PPP1R2: variants seen among roughly 807,000 people sequenced by gnomAD.
The protein encoded by PPP1R2 is protein phosphatase inhibitor 2.
PPP1R2 carries 16 observed loss-of-function variants against 29.9 expected under a neutral mutation model. The observed-to-expected ratio is 0.53, with a 90% confidence interval of 0.36 to 0.81. The LOEUF (loss-of-function observed/expected upper bound fraction) is 0.81. Among genes scored for constraint, PPP1R2 ranks in the 30% least tolerant of loss-of-function variants. The pLI is 0.00. For synonymous variants in PPP1R2, 76 were observed against 91.5 expected, an observed-to-expected ratio of 0.83 and a Z score of 0.96; for missense variants, 197 against 252.7, an observed-to-expected ratio of 0.78 and a Z score of 1.49.
intron 3 of PPP1R2, among the ~76,000 whole-genome samples, chr3:195,524,049 C>G (rs1239893732): frequency 6.6e-6 from 1 of 150,944 alleles, no homozygotes; most frequent in African/African-American, 2.4e-5. Flanking sequence ...GATTGCGCCT[C>G]TGCACTCCAG....
intron 4 of PPP1R2, among the ~76,000 whole-genome samples, chr3:195,521,269 C>G (rs1051262258): frequency 7.4e-6 from 1 of 135,226 alleles, no homozygotes; most frequent in East Asian, 2.5e-4. Context: ...GAGCGAAGAT[C>G]GCGCCACTGC....
rs187825599 is a variant in PPP1R2 at position 195,528,230 on chromosome 3, G to A, written c.230+1564C>T. ...CCGCTTATAAGTGAGAACATACAAG[G>A]TCTGGTTTTCCATTCCTGGGTTACT... On this transcript the variant is annotated intron_variant, in intron 2 of 5. Transcript: ENST00000618156. Among the ~76,000 whole-genome samples the A allele has an allele frequency of 1.0e-3, 156 of 152,172 alleles. 1 individual carries two copies. Among genetic ancestry groups the A allele is most frequent in the African/African-American group, 3.6e-3 (150 of 41,518 alleles).
chr3:195,525,659 G>C lies in PPP1R2; in HGVS notation c.231-763C>G, dbSNP rs547433928. Among the ~76,000 whole-genome samples the C allele has an allele frequency of 6.8e-4, 104 of 152,240 alleles. 1 individual carries two copies. The highest frequency in any genetic ancestry group is 1.2e-3 in the Non-Finnish European group (82 of 67,998). On this transcript the variant is annotated intron_variant, in intron 2 of 5. Transcript: ENST00000618156. Reference sequence around the variant, plus strand: ...ATTCGATCCCAAAGATCTAATTTCGGAAGTTTACAAGTGATTTAGCTTTCT... The same window carrying C: ...ATTCGATCCCAAAGATCTAATTTCGCAAGTTTACAAGTGATTTAGCTTTCT...
chr3:195,540,024 A>G (rs1719534803), intron 1 of PPP1R2, among the ~76,000 whole-genome samples: 1 of 152,240 alleles, frequency 6.6e-6, no homozygotes, highest in South Asian at 2.1e-4. Context: ...GTAGGAGTCA[A>G]ACTATCATCG....
intron 4 of PPP1R2, among the ~76,000 whole-genome samples, chr3:195,520,434 A>T (rs1471178831): frequency 2.6e-5 from 4 of 152,068 alleles, no homozygotes; most frequent in African/African-American, 9.7e-5. Context: ...CATGGCAAGA[A>T]CCTATCTCTA....
In PPP1R2 at chr3:195,516,792, T is replaced by G. The variant is rs1389255675; in HGVS notation, c.*104A>C. On this transcript the variant is annotated 3_prime_UTR_variant, in exon 6 of 6. Coordinates refer to ENST00000618156, the MANE Select transcript of PPP1R2 (RefSeq NM_006241.8). ...TCTTGGCAATATATAATAACTGGTA[T>G]GCATTTTGGTACTTAAGTCATGAAT... The G allele has an allele frequency of 2.8e-5, 25 of 899,080 alleles. No individual in the cohort carries two copies. Among genetic ancestry groups the G allele is most frequent in the Non-Finnish European group, 4.5e-5 (25 of 559,278 alleles). The allele number at this position is 899,080 out of a possible 1,614,324, so 55.7% of individuals were successfully genotyped here.
At chr3:195,529,273 T>C (rs964962402) in intron 2 of PPP1R2, 1 of 152,348 alleles carries the variant, frequency 6.6e-6, no homozygotes, top group Non-Finnish European at 1.5e-5. Flanking sequence ...TGCTGCGTAA[T>C]GTAATTTCAC....
chr3:195,522,379 T>C (rs1258106716), intron 4 of PPP1R2, among the ~76,000 whole-genome samples: 1 of 152,192 alleles, frequency 6.6e-6, no homozygotes, highest in Non-Finnish European at 1.5e-5. Context: ...TCTATATAAT[T>C]CAGTAATAAC....
intron 1 of PPP1R2, among the ~76,000 whole-genome samples, chr3:195,530,665 A>G (rs1347966662): frequency 1.3e-5 from 2 of 152,030 alleles, no homozygotes; most frequent in Non-Finnish European, 2.9e-5. Context: ...AGCTGGGATG[A>G]CAGGCGCGCA....
intron 1 of PPP1R2, among the ~76,000 whole-genome samples, chr3:195,540,338 C>A (rs1275349456): frequency 6.6e-6 from 1 of 152,238 alleles, no homozygotes; most frequent in Middle Eastern, 3.4e-3. Flanking sequence ...TCCTTTCCTG[C>A]ATTTTTGTTG....
chr3:195,527,450 AAAAAAAT>A (rs751016103), intron 2 of PPP1R2, among the ~76,000 whole-genome samples: 9 of 151,946 alleles, frequency 5.9e-5, no homozygotes, highest in African/African-American at 1.9e-4. Flanking sequence ...ACTCTGTCTC[AAAAAAAT>A]AAAAAATAAA....
At chr3:195,518,871 C>G (rs771718308) in intron 5 of PPP1R2, 147 bp downstream of exon 5, 2 of 1,217,346 alleles carry the variant, frequency 1.6e-6, no homozygotes, top group Non-Finnish European at 2.2e-6. Flanking sequence ...ATTGGCCATG[C>G]GGGTTAAAAC....
rs573510834 is a variant in PPP1R2 at position 195,516,439 on chromosome 3, T to C, written c.*457A>G. On this transcript the variant is annotated 3_prime_UTR_variant, in exon 6 of 6. Transcript: ENST00000618156. ...ATCAAGTTGAAGACAAGTGTTAAAA[T>C]ACTATTCAGCCTAAATATTTATCAG... 10 of 153,658 alleles carry C rather than the reference T, an allele frequency of 6.5e-5. No homozygotes were observed. Among genetic ancestry groups the C allele is most frequent in the African/African-American group, 2.4e-4 (10 of 41,592 alleles). 9.5% of individuals were successfully genotyped at this position (153,658 alleles called of 1,614,324 possible).
At chr3:195,516,988 C>G (rs1478627914) in intron 5 of PPP1R2, 46 bp from the exon 6 acceptor site, 1 of 1,524,450 alleles carries the variant, frequency 6.6e-7, no homozygotes, top group East Asian at 2.3e-5. Flanking sequence ...TATATGTTGT[C>G]AACCCTGGCT....
At chr3:195,541,651 A>T (rs2108957281) in intron 1 of PPP1R2, among the ~76,000 whole-genome samples, 1 of 151,858 alleles carries the variant, frequency 6.6e-6, no homozygotes, top group East Asian at 1.9e-4. Flanking sequence ...TTCTGGTGAA[A>T]TTCTGTCTTC....
intron 1 of PPP1R2, 103 bp downstream of exon 1, chr3:195,542,801 G>C: frequency 7.3e-7 from 1 of 1,369,874 alleles, no homozygotes; most frequent in Non-Finnish European, 9.6e-7. Context: ...GACTCGAGCG[G>C]CACCCGAGCC....
chr3:195,523,852 AACTG>A, intron 3 of PPP1R2, 66 bp from the exon 4 acceptor site: 1 of 1,294,960 alleles, frequency 7.7e-7, no homozygotes, highest in East Asian at 2.4e-5. Flanking sequence ...CGCCTTATTC[AACTG>A]TTGATTCTTA....
intron 1 of PPP1R2, among the ~76,000 whole-genome samples, chr3:195,539,578 G>T (rs915616496): frequency 6.6e-6 from 1 of 152,076 alleles, no homozygotes; most frequent in Non-Finnish European, 1.5e-5. Context: ...TGGGTGTGGT[G>T]GCCTGAGGTG....
intron 1 of PPP1R2, among the ~76,000 whole-genome samples, chr3:195,532,680 T>C (rs1425386442): frequency 6.6e-6 from 1 of 152,204 alleles, no homozygotes; most frequent in Admixed American, 6.5e-5. Context: ...GTTTGAACTG[T>C]GTGGGTCCAC....
Sources: allele counts gnomAD v4.1 joint callset (sites outside exome capture counted in the v4.1 genomes callset), GRCh38; gene constraint gnomAD v4.1.1; transcripts MANE v1.5; gene names NCBI Gene and HGNC (gene_info 2026-07-23, HGNC 2026-07-21).